The following STXBP5L variants were observed in gnomAD, a reference collection of about 807,000 sequenced individuals.
STXBP5L encodes the protein syntaxin-binding protein 5-like.
STXBP5L carries 65 observed loss-of-function variants against 144.5 expected under a neutral mutation model. That is an observed-to-expected ratio of 0.45 (90% CI 0.37 to 0.55). STXBP5L has a LOEUF of 0.55. Among genes scored for constraint, STXBP5L ranks in the 20% least tolerant of loss-of-function variants. The pLI is 0.00. For missense variants in STXBP5L, 1,298 were observed against 1,405.5 expected, an observed-to-expected ratio of 0.92 and a Z score of 1.22; for synonymous variants, 505 against 469.6, an observed-to-expected ratio of 1.08 and a Z score of -0.97.
chr3:121,074,676 A>G (rs905679838), intron 5 of STXBP5L, among the ~76,000 whole-genome samples: 1 of 152,106 alleles, frequency 6.6e-6, no homozygotes, highest in African/African-American at 2.4e-5. Flanking sequence ...TAAATTTTGC[A>G]TCTCTCATAG....
At chr3:121,052,664 C>T (rs1254905297) in intron 5 of STXBP5L, among the ~76,000 whole-genome samples, 4 of 152,116 alleles carry the variant, frequency 2.6e-5, no homozygotes, top group Non-Finnish European at 5.9e-5. Flanking sequence ...AAACTGGAAG[C>T]ATTCCCTTTG....
chr3:121,145,758 T>G (rs1471353661), intron 7 of STXBP5L, among the ~76,000 whole-genome samples: 2 of 152,066 alleles, frequency 1.3e-5, no homozygotes, highest in African/African-American at 4.8e-5. Context: ...TTATGATGGT[T>G]AATTTTACAC....
At chr3:121,251,880 C>T (rs1255964095) in intron 15 of STXBP5L, among the ~76,000 whole-genome samples, 2 of 152,182 alleles carry the variant, frequency 1.3e-5, no homozygotes, top group Admixed American at 6.5e-5. Flanking sequence ...TAAACCCACA[C>T]ATTCTGAAGT....
intron 9 of STXBP5L, among the ~76,000 whole-genome samples, chr3:121,160,532 T>A (rs1361444102): frequency 6.6e-6 from 1 of 152,206 alleles, no homozygotes; most frequent in African/African-American, 2.4e-5. Context: ...GGAGGATGTA[T>A]GTAGATTATA....
chr3:120,928,403 C>T (rs944029561), intron 2 of STXBP5L, among the ~76,000 whole-genome samples: 1 of 152,120 alleles, frequency 6.6e-6, no homozygotes, highest in Non-Finnish European at 1.5e-5. Context: ...GCTGAAACTA[C>T]AGGCGTGTAC....
At chr3:121,365,305 C>T (rs376918969) in intron 20 of STXBP5L, among the ~76,000 whole-genome samples, 237 of 151,844 alleles carry the variant, frequency 1.6e-3, no homozygotes, top group South Asian at 3.3e-3. Context: ...TGGTCCTCTT[C>T]AATTTTTGAA....
At chr3:121,386,803 A>T (rs1219505111) in intron 22 of STXBP5L, among the ~76,000 whole-genome samples, 2 of 152,164 alleles carry the variant, frequency 1.3e-5, no homozygotes, top group Non-Finnish European at 2.9e-5. Context: ...CCAGTCTGTC[A>T]CCGATGGACA....
At chr3:121,156,043 A>G (rs536962841) in intron 8 of STXBP5L, among the ~76,000 whole-genome samples, 1 of 152,052 alleles carries the variant, frequency 6.6e-6, no homozygotes, top group Non-Finnish European at 1.5e-5. Flanking sequence ...AGAAGAAATA[A>G]GCAGAGGAGA....
At chr3:121,405,329 T>C (rs1283030950) in intron 22 of STXBP5L, among the ~76,000 whole-genome samples, 1 of 152,144 alleles carries the variant, frequency 6.6e-6, no homozygotes, top group Non-Finnish European at 1.5e-5. Flanking sequence ...TTAGTACTCA[T>C]TACTATCTAA....
intron 9 of STXBP5L, among the ~76,000 whole-genome samples, chr3:121,163,571 C>T (rs1263985522): frequency 6.6e-6 from 1 of 151,552 alleles, no homozygotes. Flanking sequence ...CACATACATC[C>T]CAGAGCTTAA....
chr3:121,380,564 TTGA>T (rs1010739465), intron 21 of STXBP5L, among the ~76,000 whole-genome samples: 2 of 151,946 alleles, frequency 1.3e-5, no homozygotes, highest in Admixed American at 6.6e-5. Flanking sequence ...TGTACAAGTG[TTGA>T]TGAGAGGAGA....
At chr3:121,077,561 C>A (rs924860103) in intron 5 of STXBP5L, among the ~76,000 whole-genome samples, 3 of 152,140 alleles carry the variant, frequency 2.0e-5, no homozygotes, top group Admixed American at 2.0e-4. Context: ...AACAAAGCTT[C>A]CACAGTGTGG....
At chr3:121,085,783 A>G (rs905312196) in intron 5 of STXBP5L, among the ~76,000 whole-genome samples, 1 of 152,198 alleles carries the variant, frequency 6.6e-6, no homozygotes. Flanking sequence ...TATTCCCATT[A>G]AACTATTATT....
intron 3 of STXBP5L, among the ~76,000 whole-genome samples, chr3:121,028,266 A>T (rs1220830117): frequency 6.6e-6 from 1 of 152,104 alleles, no homozygotes; most frequent in Non-Finnish European, 1.5e-5. Flanking sequence ...TATGCTATTA[A>T]TAAATAGAAA....
chr3:121,038,901 T>C (rs987098946), intron 3 of STXBP5L, among the ~76,000 whole-genome samples: 2 of 151,978 alleles, frequency 1.3e-5, no homozygotes, highest in African/African-American at 4.8e-5. Context: ...TATTAATATA[T>C]CTTTCCACCT....
intron 20 of STXBP5L, among the ~76,000 whole-genome samples, chr3:121,344,354 G>A (rs979604300): frequency 5.9e-5 from 9 of 151,890 alleles, no homozygotes; most frequent in Non-Finnish European, 2.9e-5. Flanking sequence ...GACTTCGTGT[G>A]TAAAACACCA....
chr3:121,253,662 C>T (rs2050105627), intron 15 of STXBP5L, among the ~76,000 whole-genome samples: 1 of 144,994 alleles, frequency 6.9e-6, no homozygotes, highest in African/African-American at 2.5e-5. Flanking sequence ...GAGTCTCGCT[C>T]TGTCTGCCCA....
At chr3:121,341,996 AC>A (rs1204292845) in intron 20 of STXBP5L, among the ~76,000 whole-genome samples, 5 of 152,080 alleles carry the variant, frequency 3.3e-5, no homozygotes, top group Non-Finnish European at 7.4e-5. Context: ...ATATAATTGG[AC>A]TTTTTGTAAC....
At chr3:121,170,713 C>G (rs1224617776) in intron 9 of STXBP5L, among the ~76,000 whole-genome samples, 1 of 152,046 alleles carries the variant, frequency 6.6e-6, no homozygotes, top group African/African-American at 2.4e-5. Flanking sequence ...GCCTACCAAC[C>G]AAAAACAACC....
Sources: allele counts gnomAD v4.1 joint callset (sites outside exome capture counted in the v4.1 genomes callset), GRCh38; gene constraint gnomAD v4.1.1; transcripts MANE v1.5; gene names NCBI Gene and HGNC (gene_info 2026-07-23, HGNC 2026-07-21).